The following ZBTB7C variants were observed in gnomAD, a reference collection of about 807,000 sequenced individuals.
The protein encoded by ZBTB7C is zinc finger and BTB domain-containing protein 7C.
A neutral mutation model predicts 25.7 loss-of-function variants in ZBTB7C; 8 were observed. The ratio of observed to expected loss-of-function variants is 0.31; its 90% CI spans 0.18 to 0.56. ZBTB7C has a LOEUF of 0.56. Ranked by LOEUF, ZBTB7C falls within the 20% of genes least tolerant of loss-of-function variation. ZBTB7C has a pLI of 0.91. For missense variants in ZBTB7C, 824 were observed against 855.2 expected, an observed-to-expected ratio of 0.96 and a Z score of 0.46; for synonymous variants, 394 against 369.0, an observed-to-expected ratio of 1.07 and a Z score of -0.78.
intron 3 of ZBTB7C, among the ~76,000 whole-genome samples, chr18:48,142,389 G>A (rs1177960037): frequency 6.6e-6 from 1 of 152,188 alleles, no homozygotes; most frequent in African/African-American, 2.4e-5. Context: ...AACCTCCGAG[G>A]GGGAGGTGTG....
intron 1 of ZBTB7C, among the ~76,000 whole-genome samples, chr18:48,345,748 G>A (rs2046715120): frequency 6.6e-6 from 1 of 152,244 alleles, no homozygotes; most frequent in African/African-American, 2.4e-5. Flanking sequence ...CTGAGGTGCA[G>A]TGTCTGGCCC....
At chr18:48,109,471 G>C (rs11663907) in intron 3 of ZBTB7C, among the ~76,000 whole-genome samples, 36,282 of 152,110 alleles carry the variant, frequency 0.24, 4,644 homozygotes, top group East Asian at 0.36. Flanking sequence ...GAACTGGAAA[G>C]ATCCAGACAT....
chr18:48,045,858 C>T (rs2036448097), intron 3 of ZBTB7C, among the ~76,000 whole-genome samples: 1 of 152,210 alleles, frequency 6.6e-6, no homozygotes, highest in Non-Finnish European at 1.5e-5. Flanking sequence ...AGGTCTATGG[C>T]AAGGGCTGTC....
At chr18:48,229,612 C>T (rs983303672) in intron 2 of ZBTB7C, among the ~76,000 whole-genome samples, 7 of 152,250 alleles carry the variant, frequency 4.6e-5, no homozygotes, top group South Asian at 2.1e-4. Flanking sequence ...AGATAGAGAT[C>T]GCTTAATAAT....
At chr18:48,250,116 A>T (rs1226649403) in intron 2 of ZBTB7C, among the ~76,000 whole-genome samples, 1 of 152,134 alleles carries the variant, frequency 6.6e-6, no homozygotes, top group Non-Finnish European at 1.5e-5. Context: ...CACAAGCCCA[A>T]ATGGATTTCC....
At chr18:48,090,984 C>T (rs11082648) in intron 3 of ZBTB7C, among the ~76,000 whole-genome samples, 1 of 151,818 alleles carries the variant, frequency 6.6e-6, no homozygotes, top group African/African-American at 2.4e-5. Context: ...TAAAAATTGT[C>T]TGGTAGCCAT....
intron 4 of ZBTB7C, among the ~76,000 whole-genome samples, chr18:48,031,134 C>T (rs72918141): frequency 0.15 from 23,465 of 152,190 alleles, 2,061 homozygotes; most frequent in East Asian, 0.24. Flanking sequence ...CCCTGTTTAA[C>T]GTAATCCTAG....
At chr18:48,034,500 C>T (rs1238362850) in intron 4 of ZBTB7C, among the ~76,000 whole-genome samples, 1 of 151,984 alleles carries the variant, frequency 6.6e-6, no homozygotes, top group Non-Finnish European at 1.5e-5. Flanking sequence ...CCCCTTCCTC[C>T]CAGCCCTCTT....
At chr18:48,163,938 G>A (rs372520689) in intron 3 of ZBTB7C, among the ~76,000 whole-genome samples, 3 of 152,270 alleles carry the variant, frequency 2.0e-5, no homozygotes, top group African/African-American at 2.4e-5. Flanking sequence ...GACAGTTGGC[G>A]GAGGCTCCTG....
At chr18:48,278,297 G>C (rs1194040904) in intron 2 of ZBTB7C, among the ~76,000 whole-genome samples, 2 of 152,206 alleles carry the variant, frequency 1.3e-5, no homozygotes, top group Admixed American at 1.3e-4. Context: ...GCCATGTTCA[G>C]AAGGACTGAG....
intron 1 of ZBTB7C, among the ~76,000 whole-genome samples, chr18:48,347,230 C>T (rs1466484111): frequency 7.6e-6 from 1 of 132,162 alleles, no homozygotes; most frequent in Admixed American, 7.4e-5. Flanking sequence ...CACGGCCTCC[C>T]AAGTAGCTGG....
intron 3 of ZBTB7C, among the ~76,000 whole-genome samples, chr18:48,093,773 C>T (rs940787594): frequency 7.9e-5 from 12 of 152,222 alleles, no homozygotes; most frequent in East Asian, 1.9e-4. Context: ...TAATAGGCTT[C>T]GGCCAGGCGC....
intron 2 of ZBTB7C, among the ~76,000 whole-genome samples, chr18:48,303,358 C>A (rs2045589986): frequency 6.6e-6 from 1 of 152,312 alleles, no homozygotes; most frequent in East Asian, 1.9e-4. Context: ...CTTTTTATCT[C>A]CAGAATCTAT....
intron 1 of ZBTB7C, among the ~76,000 whole-genome samples, chr18:48,371,168 A>G (rs1352517): frequency 0.94 from 143,675 of 152,178 alleles, 67,925 homozygotes; most frequent in Non-Finnish European, 0.97. Flanking sequence ...GCCTACACTC[A>G]ATACCCAAAA....
At chr18:48,245,523 C>A (rs1265421896) in intron 2 of ZBTB7C, among the ~76,000 whole-genome samples, 2 of 45,512 alleles carry the variant, frequency 4.4e-5, no homozygotes, top group Non-Finnish European at 1.0e-4. Flanking sequence ...AATGAATTTT[C>A]TATGGTATAT....
intron 2 of ZBTB7C, among the ~76,000 whole-genome samples, chr18:48,282,690 CT>C (rs1349792141): frequency 6.6e-6 from 1 of 152,164 alleles, no homozygotes; most frequent in Non-Finnish European, 1.5e-5. Flanking sequence ...CAAATTACAA[CT>C]ACACATAGCA....
At chr18:48,083,196 A>G (rs1450657863) in intron 3 of ZBTB7C, among the ~76,000 whole-genome samples, 2 of 152,128 alleles carry the variant, frequency 1.3e-5, no homozygotes, top group African/African-American at 4.8e-5. Context: ...AATTTTAAAA[A>G]GCTAGCGCTA....
At chr18:48,272,293 G>A (rs941188255) in intron 2 of ZBTB7C, among the ~76,000 whole-genome samples, 2 of 152,186 alleles carry the variant, frequency 1.3e-5, no homozygotes, top group African/African-American at 4.8e-5. Flanking sequence ...TTTGCTCTCT[G>A]CTTGAGCTGG....
intron 2 of ZBTB7C, among the ~76,000 whole-genome samples, chr18:48,333,537 T>G (rs2046388322): frequency 6.6e-6 from 1 of 152,170 alleles, no homozygotes. Context: ...CATAGCAAAC[T>G]AAGAAAAAGC....
Sources: allele counts gnomAD v4.1 joint callset (sites outside exome capture counted in the v4.1 genomes callset), GRCh38; gene constraint gnomAD v4.1.1; transcripts MANE v1.5; gene names NCBI Gene and HGNC (gene_info 2026-07-23, HGNC 2026-07-21).